Variants in PTPDC1 observed in about 807,000 individuals in gnomAD.
PTPDC1 encodes protein tyrosine phosphatase domain-containing protein 1.
In PTPDC1, 53 loss-of-function variants were observed where a neutral mutation model predicts 75.3. The ratio of observed to expected loss-of-function variants is 0.70; its 90% CI spans 0.56 to 0.88. PTPDC1 has a LOEUF of 0.88. Ranked by LOEUF, PTPDC1 falls within the 40% of genes least tolerant of loss-of-function variation. PTPDC1 has a pLI of 0.00. For missense variants in PTPDC1, 925 were observed against 998.6 expected, an observed-to-expected ratio of 0.93 and a Z score of 0.99; for synonymous variants, 349 against 366.2, an observed-to-expected ratio of 0.95 and a Z score of 0.54.
At chr9:94,091,726 G>A (rs1827327908) in intron 4 of PTPDC1, among the ~76,000 whole-genome samples, 1 of 152,160 alleles carries the variant, frequency 6.6e-6, no homozygotes, top group Non-Finnish European at 1.5e-5. Context: ...ACTCTTTTTG[G>A]TTGGTAAGCT....
chr9:94,050,477 C>T (rs1825754269), intron 1 of PTPDC1, among the ~76,000 whole-genome samples: 1 of 152,202 alleles, frequency 6.6e-6, no homozygotes, highest in African/African-American at 2.4e-5. Context: ...GCTGGAGGTC[C>T]ACTCCAGACC....
intron 1 of PTPDC1, among the ~76,000 whole-genome samples, chr9:94,056,765 T>C (rs887332298): frequency 6.6e-6 from 1 of 152,238 alleles, no homozygotes; most frequent in Non-Finnish European, 1.5e-5. Context: ...ATTCTTTGTG[T>C]TCTACTGTTC....
At chr9:94,053,118 T>G (rs183008909) in intron 1 of PTPDC1, among the ~76,000 whole-genome samples, 83 of 152,316 alleles carry the variant, frequency 5.4e-4, no homozygotes, top group African/African-American at 1.5e-3. Flanking sequence ...AAGTGTTGTT[T>G]TTCCCCAATC....
intron 2 of PTPDC1, among the ~76,000 whole-genome samples, chr9:94,073,102 T>C (rs1255901965): frequency 2.6e-5 from 4 of 152,236 alleles, no homozygotes; most frequent in Non-Finnish European, 5.9e-5. Context: ...TGCCCATTCT[T>C]CTTTAAATGT....
At chr9:94,065,937 C>T (rs1300925800) in intron 2 of PTPDC1, among the ~76,000 whole-genome samples, 2 of 152,230 alleles carry the variant, frequency 1.3e-5, no homozygotes, top group Non-Finnish European at 2.9e-5. Context: ...AGTAACTCTT[C>T]AGCCAACAAG....
intron 6 of PTPDC1, 102 bp downstream of exon 6, chr9:94,098,681 A>G (rs1306583468): frequency 9.8e-7 from 1 of 1,021,652 alleles, no homozygotes; most frequent in African/African-American, 1.6e-5. Flanking sequence ...AGAAATGTGA[A>G]GATACGTTTG....
In PTPDC1 at chr9:94,067,381, CT is replaced by C. The variant is rs572165161; in HGVS notation, c.82+2561del. On this transcript the variant is annotated intron_variant, in intron 2 of 9. Transcript: ENST00000375360. ...TTCCAGCCTGGGTGACAGAGTGAGA[CT>C]CCATCTCAAAAAAAAAAAATAATAA... is the stretch of plus-strand genomic sequence containing the variant. 6.0e-3 allele frequency among the ~76,000 whole-genome samples: 906 copies of C among 150,688 alleles called. 11 individuals carry two copies. Among genetic ancestry groups the C allele is most frequent in the African/African-American group, 0.021 (847 of 40,642 alleles).
intron 1 of PTPDC1, among the ~76,000 whole-genome samples, chr9:94,042,479 CTG>C (rs1032696724): frequency 6.6e-6 from 1 of 152,156 alleles, no homozygotes; most frequent in Admixed American, 6.5e-5. Flanking sequence ...TTTCACTAGA[CTG>C]TAGTTTATTA....
chr9:94,097,940 C>T lies in PTPDC1; in HGVS notation c.1374C>T (p.Leu458=), dbSNP rs370188118. 1.2e-4 allele frequency: 193 copies of T among 1,614,072 alleles called. No individual in the cohort carries two copies. The highest frequency in any genetic ancestry group is 1.6e-4 in the Non-Finnish European group (191 of 1,180,044). The part of the protein sequence containing the change: ...SDSDLKRAEN[L]LEQGETPQTV... ...CAGATTTAAAGAGGGCCGAGAACCT[C>T]CTGGAGCAAGGGGAGACTCCACAGA... The change falls in exon 6 of 9, where the codon CTC becomes CTT. Residue 458 remains leucine (L), a synonymous_variant. Coordinates refer to ENST00000620992, the MANE Select transcript of PTPDC1 (RefSeq NM_001253829.2).
In PTPDC1 at chr9:94,109,651, G is replaced by A. The variant is rs1233018304; in HGVS notation, c.*1707G>A. The A allele has an allele frequency of 6.6e-6, 1 of 152,172 alleles. No individual in the cohort carries two copies. The highest frequency in any genetic ancestry group is 2.4e-5 in the African/African-American group (1 of 41,426). 9.4% of individuals were successfully genotyped at this position (152,172 alleles called of 1,614,324 possible). On this transcript the variant is annotated 3_prime_UTR_variant, in exon 9 of 9. Coordinates refer to ENST00000620992, the MANE Select transcript of PTPDC1 (RefSeq NM_001253829.2). Reference sequence around the variant, plus strand: ...ATCTCAGTAGGCCTCATTTGGGCAAGTGACCCACAGGTCTTTTGGCGAGTT... The same window carrying A: ...ATCTCAGTAGGCCTCATTTGGGCAAATGACCCACAGGTCTTTTGGCGAGTT...
intron 1 of PTPDC1, among the ~76,000 whole-genome samples, chr9:94,050,930 G>A (rs903431072): frequency 1.4e-4 from 21 of 152,186 alleles, no homozygotes; most frequent in African/African-American, 4.8e-4. Flanking sequence ...CCCTCCCCTC[G>A]CCTGGCTGCC....
At chr9:94,087,761 T>TGTTC in intron 2 of PTPDC1, 70 bp from the exon 3 acceptor site, 1 of 1,042,166 alleles carries the variant, frequency 9.6e-7, no homozygotes, top group Non-Finnish European at 1.5e-6. Flanking sequence ...CTCTCAGGAC[T>TGTTC]GGAACATCTC....
intron 1 of PTPDC1, among the ~76,000 whole-genome samples, chr9:94,064,292 C>T (rs1382005238): frequency 6.6e-6 from 1 of 152,172 alleles, no homozygotes; most frequent in Non-Finnish European, 1.5e-5. Context: ...ATGACTTCTA[C>T]CCCTTTAAAA....
chr9:94,088,298 A>C, intron 4 of PTPDC1, 35 bp downstream of exon 4: 2 of 1,607,868 alleles, frequency 1.2e-6, no homozygotes, highest in Non-Finnish European at 1.7e-6. Context: ...ATGAATTATC[A>C]AGGGCAGCAC....
chr9:94,033,508 A>G (rs1293725616), intron 1 of PTPDC1, among the ~76,000 whole-genome samples: 2 of 152,168 alleles, frequency 1.3e-5, no homozygotes, highest in Admixed American at 1.3e-4. Flanking sequence ...CTTTCTAGTT[A>G]TGTGACCTCG....
chr9:94,083,529 A>AT (rs1375812301), upstream of PTPDC1, among the ~76,000 whole-genome samples: 2 of 152,190 alleles, frequency 1.3e-5, no homozygotes, highest in Admixed American at 6.5e-5. Flanking sequence ...CACATCTGAA[A>AT]TACCACTTGT....
intron 1 of PTPDC1, among the ~76,000 whole-genome samples, chr9:94,043,120 G>A (rs1463990789): frequency 6.6e-6 from 1 of 152,178 alleles, no homozygotes; most frequent in Non-Finnish European, 1.5e-5. Context: ...GCTGGAATCA[G>A]CTTCTTCCTA....
intron 4 of PTPDC1, among the ~76,000 whole-genome samples, chr9:94,090,503 T>C (rs1448127946): frequency 1.5e-5 from 2 of 129,222 alleles, no homozygotes; most frequent in Non-Finnish European, 3.2e-5. Context: ...TAGTTTGAAG[T>C]CAGGTAGTGT....
Position 94,101,676 on chromosome 9 carries a change from A to C in PTPDC1, c.2124A>C (p.Val708=). 6.2e-7 allele frequency: 1 copy of C among 1,613,954 alleles called. No homozygotes were observed. Among genetic ancestry groups the C allele is most frequent in the Non-Finnish European group, 8.5e-7 (1 of 1,179,852 alleles). The change falls in exon 7 of 9, where the codon GTA becomes GTC. Residue 708 remains valine, a synonymous_variant. Coordinates refer to ENST00000620992, the MANE Select transcript of PTPDC1 (RefSeq NM_001253829.2). ...WSWVEQLKEP[V]ITKEDVDMLV... is the part of the protein sequence containing the mutation. ...GGGTGGAGCAACTGAAGGAGCCTGT[A>C]ATCACCAAAGAGGATGTGGACATGT...
Sources: gnomAD v4.1 joint callset for allele counts (sites outside exome capture counted in the v4.1 genomes callset) on GRCh38, gnomAD v4.1.1 for gene constraint, MANE v1.5 for transcripts, NCBI Gene and HGNC (gene_info 2026-07-23, HGNC 2026-07-21) for gene names.